RMDN2: variants seen among roughly 807,000 people sequenced by gnomAD.
The protein encoded by RMDN2 is regulator of microtubule dynamics protein 2.
A neutral mutation model predicts 52.8 loss-of-function variants in RMDN2; 61 were observed. The observed-to-expected ratio is 1.16, with a 90% confidence interval of 0.94 to 1.43. The LOEUF is 1.43. RMDN2 is among the 40% of genes most tolerant of loss of function. The pLI, the probability that RMDN2 is intolerant of heterozygous loss-of-function variation, is 0.00. For missense variants in RMDN2, 592 were observed against 475.3 expected (o/e 1.25, Z -2.28); for synonymous variants, 180 against 153.1 (o/e 1.18, Z -1.30).
chr2:37,965,897 C>G (rs1192670362), intron 2 of RMDN2, among the ~76,000 whole-genome samples: 1 of 152,124 alleles, frequency 6.6e-6, no homozygotes. Flanking sequence ...TCTCAGGTAA[C>G]AGGTTTCTCT....
intron 10 of RMDN2, chr2:38,030,871 A>T (rs1680148744): frequency 6.6e-6 from 1 of 152,208 alleles, no homozygotes; most frequent in South Asian, 2.1e-4. Context: ...ACAATGTCTT[A>T]AATTATTTAA....
intron 10 of RMDN2, among the ~76,000 whole-genome samples, chr2:38,061,646 C>CACACACACATACATACACACAT (rs1553393406): frequency 6.7e-6 from 1 of 149,828 alleles, no homozygotes; most frequent in Non-Finnish European, 1.5e-5. Flanking sequence ...CACACACACA[C>CACACACACATACATACACACAT]ACACACATAC....
intron 2 of RMDN2, among the ~76,000 whole-genome samples, chr2:37,932,914 C>A (rs1666934214): frequency 6.7e-6 from 1 of 150,036 alleles, no homozygotes; most frequent in Non-Finnish European, 1.5e-5. Flanking sequence ...GGGCGGGGGG[C>A]TGACCCCCCC....
At position 37,988,602 on chromosome 2, in the gene RMDN2, G is replaced by C. The variant is rs528321296; in HGVS notation, c.792-939G>C. Reference sequence around the variant, plus strand: ...ATTCACTGTTTTTTTGTACTTGGAAGTTATGGATATTCATAGAAATGGCTG... The same window carrying C: ...ATTCACTGTTTTTTTGTACTTGGAACTTATGGATATTCATAGAAATGGCTG... On this transcript the variant is annotated intron_variant, in intron 5 of 10. Transcript: ENST00000354545. Among the ~76,000 whole-genome samples, 882 of 152,300 alleles carry C rather than the reference G, an allele frequency of 5.8e-3. 11 individuals are homozygous for C. The South Asian group carries it at 0.059, about 10-fold the overall frequency.
chr2:38,010,399 C>A (rs1677793439), intron 10 of RMDN2, among the ~76,000 whole-genome samples: 1 of 152,218 alleles, frequency 6.6e-6, no homozygotes, highest in Non-Finnish European at 1.5e-5. Context: ...GCTACTCAAG[C>A]CTCGGCAATG....
chr2:38,065,782 G>A (rs1030771186), intron 10 of RMDN2, among the ~76,000 whole-genome samples: 26 of 152,232 alleles, frequency 1.7e-4, no homozygotes, highest in African/African-American at 6.3e-4. Flanking sequence ...TTCTAGGACA[G>A]AAGTTTTAGG....
chr2:38,024,144 A>G (rs72787065), intron 10 of RMDN2, among the ~76,000 whole-genome samples: 2,046 of 152,250 alleles, frequency 0.013, 26 homozygotes, highest in Non-Finnish European at 0.022. Context: ...TCTGAGTAGT[A>G]TTTTATAACA....
At chr2:38,049,795 C>T (rs1681480330) in intron 10 of RMDN2, among the ~76,000 whole-genome samples, 1 of 152,142 alleles carries the variant, frequency 6.6e-6, no homozygotes, top group Non-Finnish European at 1.5e-5. Context: ...TCTCGAACTC[C>T]TGGTCTCAAG....
chr2:37,951,891 G>T (rs142128542), intron 2 of RMDN2: 3 of 1,613,110 alleles, frequency 1.9e-6, no homozygotes, highest in Non-Finnish European at 1.7e-6. Flanking sequence ...TTCCTCTCCC[G>T]ATCAACAAAA....
chr2:37,926,504 A>G (rs1357824874), intron 1 of RMDN2, among the ~76,000 whole-genome samples: 1 of 152,254 alleles, frequency 6.6e-6, no homozygotes, highest in Non-Finnish European at 1.5e-5. Context: ...GTTATTTACT[A>G]GCACCTTACA....
At chr2:37,952,821 T>C (rs1395769972) in intron 2 of RMDN2, 1 of 152,054 alleles carries the variant, frequency 6.6e-6, no homozygotes, top group Non-Finnish European at 1.5e-5. Flanking sequence ...CACATTCATG[T>C]ATGTGCAAAT....
chr2:37,994,480 A>G (rs1675239527), intron 7 of RMDN2, among the ~76,000 whole-genome samples: 1 of 152,246 alleles, frequency 6.6e-6, no homozygotes, highest in Non-Finnish European at 1.5e-5. Flanking sequence ...ATAAAATTAA[A>G]TTGAAAAGAT....
intron 10 of RMDN2, among the ~76,000 whole-genome samples, chr2:38,052,928 T>C (rs1308339679): frequency 6.6e-6 from 1 of 152,160 alleles, no homozygotes; most frequent in Non-Finnish European, 1.5e-5. Context: ...AATTTATGCC[T>C]CAGCAAAAAT....
intron 2 of RMDN2, among the ~76,000 whole-genome samples, chr2:37,964,942 T>A (rs1404759886): frequency 6.6e-6 from 1 of 152,178 alleles, no homozygotes; most frequent in Non-Finnish European, 1.5e-5. Context: ...CATTTAGTGT[T>A]ATTGTTATAT....
chr2:37,935,623 T>G (rs1249995173), intron 2 of RMDN2, among the ~76,000 whole-genome samples: 1 of 152,262 alleles, frequency 6.6e-6, no homozygotes, highest in Non-Finnish European at 1.5e-5. Context: ...TGGTGTGCAT[T>G]CTTCCTTTGA....
intron 10 of RMDN2, among the ~76,000 whole-genome samples, chr2:38,048,348 A>G (rs1681396311): frequency 6.6e-6 from 1 of 152,236 alleles, no homozygotes; most frequent in African/African-American, 2.4e-5. Flanking sequence ...ACCGGCCTTT[A>G]CTGAAGTGGC....
At chr2:38,048,814 G>A (rs546629819) in intron 10 of RMDN2, among the ~76,000 whole-genome samples, 13 of 152,326 alleles carry the variant, frequency 8.5e-5, no homozygotes, top group African/African-American at 1.7e-4. Flanking sequence ...TAGCACTGTC[G>A]CAACTTAGAG....
chr2:37,997,171 C>T lies in RMDN2; in HGVS notation c.946-245C>T, dbSNP rs140991278. ...AGAGTATTTCAGGTTGGTTTTGAAA[C>T]CAGTGCTTCTGGACCCCATGGTTCT... On this transcript the variant is annotated intron_variant, in intron 7 of 10. Transcript: ENST00000354545. Among the ~76,000 whole-genome samples, 27 of 152,232 alleles carry T rather than the reference C, an allele frequency of 1.8e-4. No individual in the cohort carries two copies. The East Asian group carries it at 5.0e-3, about 28-fold the overall frequency.
intron 2 of RMDN2, among the ~76,000 whole-genome samples, chr2:37,965,858 T>A (rs980640361): frequency 6.6e-6 from 1 of 152,212 alleles, no homozygotes; most frequent in African/African-American, 2.4e-5. Flanking sequence ...TCCCTCATTT[T>A]TGAAGGACAG....
Sources: allele counts gnomAD v4.1 joint callset (sites outside exome capture counted in the v4.1 genomes callset), GRCh38; gene constraint gnomAD v4.1.1; transcripts MANE v1.5; gene names NCBI Gene and HGNC (gene_info 2026-07-23, HGNC 2026-07-21).